The following CALD1 variants were observed in gnomAD, a reference collection of about 807,000 sequenced individuals.
The protein encoded by CALD1 is caldesmon 1.
Under a neutral mutation model 99.9 loss-of-function variants are expected in CALD1, and 33 were observed. The ratio of observed to expected loss-of-function variants is 0.33; its 90% confidence interval spans 0.25 to 0.44. CALD1 has a LOEUF of 0.44. Ranked by LOEUF, CALD1 falls within the 20% of genes least tolerant of loss-of-function variation. CALD1 has a pLI of 1.00. For missense variants in CALD1, 861 were observed against 962.1 expected (o/e 0.89, Z 1.39); for synonymous variants, 310 against 325.0 (o/e 0.95, Z 0.50).
At chr7:134,865,448 C>T (rs1292341932) in intron 2 of CALD1, among the ~76,000 whole-genome samples, 2 of 152,010 alleles carry the variant, frequency 1.3e-5, no homozygotes, top group Non-Finnish European at 2.9e-5. Context: ...CAAAGCCTCA[C>T]CTAGAAAAGC....
intron 1 of CALD1, among the ~76,000 whole-genome samples, chr7:134,746,532 A>G (rs1361721733): frequency 6.6e-6 from 1 of 152,232 alleles, no homozygotes; most frequent in Non-Finnish European, 1.5e-5. Context: ...TTGGAACTGG[A>G]TAATGAGTAG....
intron 2 of CALD1, among the ~76,000 whole-genome samples, chr7:134,849,780 T>C (rs763928442): frequency 3.8e-4 from 58 of 152,196 alleles, no homozygotes; most frequent in Non-Finnish European, 7.1e-4. Context: ...CAATTTACCG[T>C]GAAGTCAGTA....
intron 1 of CALD1, among the ~76,000 whole-genome samples, chr7:134,842,699 G>A (rs1410236039): frequency 6.6e-6 from 1 of 152,166 alleles, no homozygotes; most frequent in East Asian, 1.9e-4. Flanking sequence ...ATCTTTCTGA[G>A]AATACTTGCA....
chr7:134,940,422 G>A (rs1806337284), intron 6 of CALD1, among the ~76,000 whole-genome samples: 1 of 152,078 alleles, frequency 6.6e-6, no homozygotes, highest in Non-Finnish European at 1.5e-5. Context: ...ATTGACAATG[G>A]AAATCAAGGT....
intron 3 of CALD1, among the ~76,000 whole-genome samples, chr7:134,886,299 G>A (rs996735230): frequency 6.6e-6 from 1 of 152,188 alleles, no homozygotes; most frequent in East Asian, 1.9e-4. Flanking sequence ...TAGAGGTAAG[G>A]CCTGGAACTG....
rs1797200197 is a variant in CALD1, at chr7:134,783,741, T to C, written c.-130+3992T>C. ...GGTAAGAGACCTTTGAGCTGGGGCA[T>C]GTAAGATGGGGAGTGGGGTCAGATC... On this transcript the variant is annotated intron_variant, in intron 1 of 14. Transcript: ENST00000361675. This position sits in a 1 kb window ranked among gnomAD's most constrained non-coding sequence, Gnocchi z 4.3. Among the ~76,000 whole-genome samples, 1 of 152,022 alleles carries C rather than the reference T, an allele frequency of 6.6e-6. No homozygotes were observed.
chr7:134,745,858 T>A (rs1796630741), intron 1 of CALD1, among the ~76,000 whole-genome samples: 2 of 152,248 alleles, frequency 1.3e-5, no homozygotes, highest in Non-Finnish European at 2.9e-5. Flanking sequence ...GCAATTCTTG[T>A]TCTTTTTGCT....
intron 3 of CALD1, among the ~76,000 whole-genome samples, chr7:134,875,495 G>A (rs1801303692): frequency 6.6e-6 from 1 of 152,166 alleles, no homozygotes; most frequent in Admixed American, 6.5e-5. Flanking sequence ...AAATAAGCTG[G>A]GCGTGGCAGT....
At chr7:134,777,875 CAA>C (rs1275948013), upstream of CALD1, among the ~76,000 whole-genome samples, 2 of 152,272 alleles carry the variant, frequency 1.3e-5, no homozygotes, top group East Asian at 3.9e-4. Flanking sequence ...TCCCCATCAG[CAA>C]AACTGGCCGT....
chr7:134,892,293 CAG>C (rs2132515043), intron 3 of CALD1, among the ~76,000 whole-genome samples: 1 of 152,252 alleles, frequency 6.6e-6, no homozygotes, highest in South Asian at 2.1e-4. Context: ...GGCAGGGAAA[CAG>C]AAACCAGAGG....
intron 7 of CALD1, among the ~76,000 whole-genome samples, chr7:134,941,687 T>C (rs1362034675): frequency 6.6e-6 from 1 of 152,216 alleles, no homozygotes; most frequent in East Asian, 1.9e-4. Flanking sequence ...TAAGATTGTT[T>C]TGTGGCGAAA....
chr7:134,913,203 T>C (rs1803947992), intron 3 of CALD1, among the ~76,000 whole-genome samples: 1 of 151,966 alleles, frequency 6.6e-6, no homozygotes. Flanking sequence ...GACGTGGAGG[T>C]TGCAGTGAGC....
upstream of CALD1, among the ~76,000 whole-genome samples, chr7:134,775,327 C>T (rs1000536085): frequency 6.6e-6 from 1 of 152,104 alleles, no homozygotes; most frequent in Non-Finnish European, 1.5e-5. Flanking sequence ...ATAAAAAAAC[C>T]TCTTTGCCTA....
chr7:134,877,506 T>C (rs1801407230), intron 3 of CALD1, among the ~76,000 whole-genome samples: 1 of 152,224 alleles, frequency 6.6e-6, no homozygotes, highest in South Asian at 2.1e-4. Flanking sequence ...TGTATGTATA[T>C]AATTTAATTA....
At chr7:134,722,080 C>G in the CALD1 span, among the ~76,000 whole-genome samples, 1 of 152,092 alleles carries the variant, frequency 6.6e-6, no homozygotes, top group Non-Finnish European at 1.5e-5. Context: ...AGTGAATATC[C>G]TAGAATGGCT....
intron 1 of CALD1, among the ~76,000 whole-genome samples, chr7:134,765,557 C>G (rs1346392354): frequency 6.6e-6 from 1 of 152,112 alleles, no homozygotes; most frequent in Non-Finnish European, 1.5e-5. Flanking sequence ...AAGGCAAACC[C>G]CTTTTATGAG....
At chr7:134,726,304 A>T in the CALD1 span, among the ~76,000 whole-genome samples, 1 of 148,172 alleles carries the variant, frequency 6.7e-6, no homozygotes, top group African/African-American at 2.5e-5. Flanking sequence ...ATATAAATAT[A>T]TAAGAATATA....
At chr7:134,749,039 C>T (rs774290561) in intron 1 of CALD1, among the ~76,000 whole-genome samples, 5 of 152,170 alleles carry the variant, frequency 3.3e-5, no homozygotes, top group Non-Finnish European at 5.9e-5. Context: ...TTGGACTTCC[C>T]GACTTCGGGA....
upstream of CALD1, among the ~76,000 whole-genome samples, chr7:134,779,145 A>G (rs1797004897): frequency 6.6e-6 from 1 of 151,974 alleles, no homozygotes; most frequent in Non-Finnish European, 1.5e-5. Flanking sequence ...TACTATTAAG[A>G]CTCCCTCTGG....
Sources: gnomAD v4.1 joint callset for allele counts (sites outside exome capture counted in the v4.1 genomes callset) on GRCh38, gnomAD v4.1.1 for gene constraint, Gnocchi (gnomAD v3.1) non-coding constraint, MANE v1.5 for transcripts, NCBI Gene and HGNC (gene_info 2026-07-23, HGNC 2026-07-21) for gene names.